The following CTIF variants were observed in gnomAD, a reference collection of about 807,000 sequenced individuals.
CTIF encodes the protein cap binding complex dependent translation initiation factor, also known as CBP80/20-dependent translation initiation factor.
In CTIF, 21 loss-of-function variants were observed where a neutral mutation model predicts 66.0. The ratio of observed to expected loss-of-function variants is 0.32; its 90% CI spans 0.23 to 0.46. The LOEUF (loss-of-function observed/expected upper bound fraction) is 0.46, where lower values mean the gene tolerates loss of function less well. Ranked by LOEUF, CTIF falls within the 20% of genes least tolerant of loss-of-function variation. The pLI, the probability that CTIF is intolerant of heterozygous loss-of-function variation, is 1.00. For synonymous variants in CTIF, 345 were observed against 326.4 expected (o/e 1.06, Z -0.62); for missense variants, 739 against 812.7 (o/e 0.91, Z 1.10).
intron 1 of CTIF, among the ~76,000 whole-genome samples, chr18:48,596,756 G>A (rs780327729): frequency 1.3e-5 from 2 of 152,144 alleles, no homozygotes; most frequent in African/African-American, 2.4e-5. Context: ...GATTACAGGC[G>A]TGAGCCACCG....
intron 1 of CTIF, among the ~76,000 whole-genome samples, chr18:48,574,670 CA>C (rs1459467596): frequency 1.3e-5 from 2 of 152,200 alleles, no homozygotes; most frequent in Non-Finnish European, 2.9e-5. Flanking sequence ...AACAGAAAAG[CA>C]AAAGCTGCTA....
chr18:48,661,650 G>A lies in CTIF; in HGVS notation c.253-2102G>A, dbSNP rs538322677. On this transcript the variant is annotated intron_variant, in intron 3 of 11. Coordinates refer to ENST00000256413, the MANE Select transcript of CTIF (RefSeq NM_014772.3). Reference sequence around the variant, plus strand: ...AACTCGAAGAAAAGGGAGAGAGGACGATCCTAGAACATTAGGGGCCACCTG... The same window carrying A: ...AACTCGAAGAAAAGGGAGAGAGGACAATCCTAGAACATTAGGGGCCACCTG... 4.6e-5 allele frequency among the ~76,000 whole-genome samples: 7 copies of A among 152,260 alleles called. No homozygotes were observed. In the South Asian group the frequency reaches 1.0e-3, roughly 22 times the overall value.
chr18:48,628,731 C>T (rs192121798), intron 2 of CTIF, among the ~76,000 whole-genome samples: 4 of 152,330 alleles, frequency 2.6e-5, no homozygotes, highest in African/African-American at 7.2e-5. Flanking sequence ...GCTTCAAGAA[C>T]TCAAGCTCCT....
chr18:48,688,755 A>G (rs2091882391), intron 6 of CTIF, among the ~76,000 whole-genome samples: 1 of 152,272 alleles, frequency 6.6e-6, no homozygotes, highest in Non-Finnish European at 1.5e-5. Context: ...TACAAGGCTC[A>G]CAGGACATCT....
At chr18:48,796,328 C>G (rs1009037991) in intron 9 of CTIF, among the ~76,000 whole-genome samples, 7 of 151,782 alleles carry the variant, frequency 4.6e-5, no homozygotes, top group South Asian at 2.1e-4. Flanking sequence ...CGACCGTCAC[C>G]ATGTCCAGCT....
rs187427546 is a variant in CTIF at position 48,711,173 on chromosome 18, A to T, written c.508-446A>T. 2.0e-5 allele frequency among the ~76,000 whole-genome samples: 3 copies of T among 152,338 alleles called. No individual in the cohort carries two copies. The East Asian group carries it at 5.8e-4, about 29-fold the overall frequency. On this transcript the variant is annotated intron_variant, in intron 6 of 11. Coordinates refer to ENST00000256413, the MANE Select transcript of CTIF (RefSeq NM_014772.3). ...GGCTTCACCTCCTTGGTCCTCTAGC[A>T]GCCCAGAGAAGAAGGGTAACATTCC... is the stretch of plus-strand genomic sequence containing the variant.
At chr18:48,714,955 A>G (rs917403721) in intron 7 of CTIF, among the ~76,000 whole-genome samples, 1 of 152,228 alleles carries the variant, frequency 6.6e-6, no homozygotes, top group Non-Finnish European at 1.5e-5. Context: ...CTAGGTGCTC[A>G]GGAAGGCTTT....
chr18:48,613,852 C>A (rs1017508440), intron 1 of CTIF, among the ~76,000 whole-genome samples: 4 of 152,204 alleles, frequency 2.6e-5, no homozygotes, highest in Non-Finnish European at 5.9e-5. Context: ...AAGCCGTGCC[C>A]ACACCGGCCC....
At chr18:48,771,666 G>A (rs562010040) in intron 9 of CTIF, among the ~76,000 whole-genome samples, 29 of 152,292 alleles carry the variant, frequency 1.9e-4, no homozygotes, top group Admixed American at 1.6e-3. Context: ...GTGGGTTACC[G>A]GAGAAGGCCA....
At chr18:48,699,988 G>T (rs1353101623) in intron 6 of CTIF, among the ~76,000 whole-genome samples, 1 of 152,212 alleles carries the variant, frequency 6.6e-6, no homozygotes, top group Non-Finnish European at 1.5e-5. Context: ...ATACTGAGAG[G>T]CAGGTCCTGC....
At chr18:48,714,407 A>G (rs2092259955) in intron 7 of CTIF, among the ~76,000 whole-genome samples, 1 of 152,214 alleles carries the variant, frequency 6.6e-6, no homozygotes, top group African/African-American at 2.4e-5. Flanking sequence ...GGAAGGGGCC[A>G]GCTGTATCCC....
chr18:48,762,918 C>A (rs1279830860), intron 9 of CTIF, among the ~76,000 whole-genome samples: 4 of 152,346 alleles, frequency 2.6e-5, no homozygotes, highest in Middle Eastern at 3.4e-3. Flanking sequence ...GAGTTGCACT[C>A]ACTGCAACAT....
intron 9 of CTIF, among the ~76,000 whole-genome samples, chr18:48,773,766 T>C (rs753789481): frequency 1.3e-5 from 2 of 150,706 alleles, no homozygotes; most frequent in African/African-American, 2.4e-5. Context: ...ACCATGCTGC[T>C]GTGGGCTTAT....
At chr18:48,612,451 G>C (rs952725285) in intron 1 of CTIF, among the ~76,000 whole-genome samples, 5 of 152,206 alleles carry the variant, frequency 3.3e-5, no homozygotes, top group African/African-American at 1.2e-4. Flanking sequence ...GTGGGGATGG[G>C]AAGGAGAGAG....
chr18:48,792,471 GA>G (rs760477621), intron 9 of CTIF, among the ~76,000 whole-genome samples: 30 of 152,342 alleles, frequency 2.0e-4, no homozygotes, highest in Non-Finnish European at 2.6e-4. Context: ...GCTGGGTTGA[GA>G]GGAGTCTGAA....
At chr18:48,723,820 C>G (rs1356638465) in intron 7 of CTIF, among the ~76,000 whole-genome samples, 12 of 152,224 alleles carry the variant, frequency 7.9e-5, no homozygotes, top group Non-Finnish European at 1.2e-4. Flanking sequence ...TAATTATAGC[C>G]ATTTATTCCA....
chr18:48,645,299 A>G (rs1598795383), intron 3 of CTIF, among the ~76,000 whole-genome samples: 2 of 148,804 alleles, frequency 1.3e-5, no homozygotes, highest in African/African-American at 2.5e-5. Flanking sequence ...AAAAATCCCA[A>G]TAAAAAGCTG....
intron 6 of CTIF, among the ~76,000 whole-genome samples, chr18:48,688,914 C>T (rs1489109290): frequency 6.6e-6 from 1 of 152,236 alleles, no homozygotes; most frequent in Non-Finnish European, 1.5e-5. Context: ...AGAGCTGCCT[C>T]TCTGTCTCTG....
intron 1 of CTIF, among the ~76,000 whole-genome samples, chr18:48,586,709 G>A (rs1222559230): frequency 6.6e-6 from 1 of 152,086 alleles, no homozygotes; most frequent in African/African-American, 2.4e-5. Flanking sequence ...TGCTCATTTT[G>A]CTATTTTTGA....
Sources: gnomAD v4.1 joint callset for allele counts (sites outside exome capture counted in the v4.1 genomes callset) on GRCh38, gnomAD v4.1.1 for gene constraint, MANE v1.5 for transcripts, NCBI Gene and HGNC (gene_info 2026-07-23, HGNC 2026-07-21) for gene names.